TBC1D1: variants seen among roughly 807,000 people sequenced by gnomAD.
TBC1D1 encodes the protein TBC1 (tre-2/USP6, BUB2, cdc16) domain family, member 1.
A neutral mutation model predicts 125.6 loss-of-function variants in TBC1D1; 89 were observed. The observed-to-expected ratio is 0.71, with a 90% CI of 0.60 to 0.85. The LOEUF is 0.85. Ranked by LOEUF, TBC1D1 falls within the 40% of genes least tolerant of loss-of-function variation. The pLI is 0.00. For missense variants in TBC1D1, 1,377 were observed against 1,469.2 expected, an observed-to-expected ratio of 0.94 and a Z score of 1.03; for synonymous variants, 565 against 564.1, an observed-to-expected ratio of 1.00 and a Z score of -0.02.
intron 2 of TBC1D1, among the ~76,000 whole-genome samples, chr4:37,963,191 C>T (rs76238622): frequency 1.1e-4 from 17 of 152,258 alleles, no homozygotes; most frequent in Non-Finnish European, 1.8e-4. Flanking sequence ...ATTCTTGCAT[C>T]GCTATAAAGA....
intron 2 of TBC1D1, among the ~76,000 whole-genome samples, chr4:37,988,279 A>G (rs1735858384): frequency 6.6e-6 from 1 of 152,208 alleles, no homozygotes; most frequent in African/African-American, 2.4e-5. Flanking sequence ...CTACAGTTGT[A>G]TTCAATTCAG....
chr4:37,979,490 T>G (rs1191783840), intron 2 of TBC1D1, among the ~76,000 whole-genome samples: 1 of 152,206 alleles, frequency 6.6e-6, no homozygotes, highest in African/African-American at 2.4e-5. Context: ...TTAACACACT[T>G]TACATTACAA....
intron 10 of TBC1D1, among the ~76,000 whole-genome samples, chr4:38,049,271 C>T (rs1279782222): frequency 6.6e-6 from 1 of 152,164 alleles, no homozygotes; most frequent in Non-Finnish European, 1.5e-5. Context: ...GAGACAAGTT[C>T]TCCAGCACTC....
intron 2 of TBC1D1, among the ~76,000 whole-genome samples, chr4:37,986,641 TCG>T (rs958316028): frequency 2.4e-4 from 37 of 152,278 alleles, no homozygotes; most frequent in Admixed American, 7.8e-4. Flanking sequence ...AGATGGGGTT[TCG>T]CCATGTTGGC....
intron 17 of TBC1D1, among the ~76,000 whole-genome samples, chr4:38,121,102 G>A (rs567620348): frequency 2.2e-3 from 339 of 152,268 alleles, no homozygotes; most frequent in Middle Eastern, 0.01. Context: ...ATGATGCCGC[G>A]TGATGATGAG....
chr4:38,104,084 C>G (rs1313607711), intron 15 of TBC1D1, among the ~76,000 whole-genome samples: 2 of 142,042 alleles, frequency 1.4e-5, no homozygotes, highest in African/African-American at 5.2e-5. Context: ...GGCGTGAACC[C>G]AGGAGGCGGA....
chr4:38,103,170 C>G lies in TBC1D1; in HGVS notation c.2557+13C>G. 6.3e-7 allele frequency: 1 copy of G among 1,599,232 alleles called. No individual in the cohort carries two copies. Among genetic ancestry groups the G allele is most frequent in the Non-Finnish European group, 8.5e-7 (1 of 1,173,650 alleles). On this transcript the variant is annotated intron_variant, in intron 15 of 19. Transcript: ENST00000261439. Reference sequence around the variant, plus strand: ...CTTATTGACCTTGGTAAGTCTGTGCCATCGATTGGAGATGACAATGGAAGT... The same window carrying G: ...CTTATTGACCTTGGTAAGTCTGTGCGATCGATTGGAGATGACAATGGAAGT...
At chr4:37,956,861 C>T (rs1248307057) in intron 2 of TBC1D1, among the ~76,000 whole-genome samples, 1 of 151,684 alleles carries the variant, frequency 6.6e-6, no homozygotes, top group African/African-American at 2.4e-5. Context: ...ATCACTTGAA[C>T]CCAGGAGGTG....
Position 38,014,445 on chromosome 4 carries a change from C to T in TBC1D1, c.418-64C>T. The T allele has an allele frequency of 6.7e-7, 1 of 1,499,512 alleles. No individual in the cohort carries two copies. The highest frequency in any genetic ancestry group is 9.2e-7 in the Non-Finnish European group (1 of 1,088,416). The allele number at this position is 1,499,512 out of a possible 1,614,324, so 92.9% of individuals were successfully genotyped here. ...CGGGGCGTCCCGAAAGAGCATGGTGCATTCATTCCGTGAGTGCCAGCCACA... is the reference window on the plus strand; with the variant it reads ...CGGGGCGTCCCGAAAGAGCATGGTGTATTCATTCCGTGAGTGCCAGCCACA... On this transcript the variant is annotated intron_variant, in intron 2 of 19. Coordinates refer to ENST00000261439, the MANE Select transcript of TBC1D1 (RefSeq NM_015173.4). The surrounding 1 kb of genome is among the most constrained non-coding windows in gnomAD (Gnocchi z 5.1).
intron 12 of TBC1D1, among the ~76,000 whole-genome samples, chr4:38,068,361 C>A (rs1560729301): frequency 2.0e-5 from 3 of 152,294 alleles, no homozygotes; most frequent in East Asian, 3.9e-4. Flanking sequence ...CATGACTTTG[C>A]ATAGATCATT....
At position 37,977,559 on chromosome 4, in the gene TBC1D1, C is replaced by A; in HGVS notation, c.418-36950C>A. On this transcript the variant is annotated intron_variant, in intron 2 of 19. Transcript: ENST00000261439. This position sits in a 1 kb window ranked among gnomAD's most constrained non-coding sequence, Gnocchi z 4.3. ...GCGGCGTCGGGCGGGCGCCCGTTAC[C>A]GGAGCGGAGCGGCAGGCGCGGGGCT... 1 of 730,890 alleles carries A rather than the reference C, an allele frequency of 1.4e-6. No homozygotes were observed. The highest frequency in any genetic ancestry group is 1.7e-6 in the Non-Finnish European group (1 of 585,664). The allele number at this position is 730,890 out of a possible 1,614,324, so 45.3% of individuals were successfully genotyped here. A position where few individuals can be genotyped will look rare whatever the true frequency, so the allele number is the denominator to read the frequency against.
chr4:38,054,394 G>A, intron 12 of TBC1D1, 56 bp downstream of exon 14: 2 of 1,606,022 alleles, frequency 1.2e-6, no homozygotes, highest in Non-Finnish European at 1.7e-6. Context: ...AGAGGACCCT[G>A]GGAGCCCCAT....
At chr4:38,011,594 C>CA (rs1344968392) in intron 2 of TBC1D1, among the ~76,000 whole-genome samples, 6 of 152,118 alleles carry the variant, frequency 3.9e-5, no homozygotes, top group Admixed American at 1.3e-4. Flanking sequence ...TGTTAGACCT[C>CA]AATTATCTCC....
intron 12 of TBC1D1, among the ~76,000 whole-genome samples, chr4:38,068,397 C>G (rs534663563): frequency 1.3e-5 from 2 of 152,224 alleles, no homozygotes; most frequent in South Asian, 4.1e-4. Flanking sequence ...CACTCCTGCT[C>G]GTTTTCTCCC....
chr4:37,947,239 C>G (rs1385447792), intron 2 of TBC1D1, among the ~76,000 whole-genome samples: 1 of 152,232 alleles, frequency 6.6e-6, no homozygotes, highest in East Asian at 1.9e-4. Context: ...TCACTGCAAC[C>G]TCCACTTCCT....
intron 7 of TBC1D1, among the ~76,000 whole-genome samples, chr4:38,033,260 G>A (rs1293187638): frequency 2.6e-5 from 4 of 152,146 alleles, no homozygotes; most frequent in Admixed American, 6.5e-5. Context: ...ATTTTCTTGT[G>A]GAGATAGCCA....
At chr4:38,088,435 TG>T (rs1199493725) in intron 12 of TBC1D1, among the ~76,000 whole-genome samples, 1 of 152,236 alleles carries the variant, frequency 6.6e-6, no homozygotes, top group African/African-American at 2.4e-5. Flanking sequence ...TAACAGTACA[TG>T]TAAACCAATA....
rs570454688 is a variant in TBC1D1, at chr4:38,029,430, C to T, written c.1302+1551C>T. 1.6e-4 allele frequency among the ~76,000 whole-genome samples: 24 copies of T among 152,294 alleles called. No homozygotes were observed. In the East Asian group the frequency reaches 3.9e-3, roughly 24 times the overall value. ...TGCCCAGAGCCGAAGTGCAATGGTGCGATCTTGGCTCACTGCAACCTCTGC... is the reference window on the plus strand; with the variant it reads ...TGCCCAGAGCCGAAGTGCAATGGTGTGATCTTGGCTCACTGCAACCTCTGC... On this transcript the variant is annotated intron_variant, in intron 7 of 19. Coordinates refer to ENST00000261439, the MANE Select transcript of TBC1D1 (RefSeq NM_015173.4).
At chr4:37,948,954 T>C (rs1411571509) in intron 2 of TBC1D1, among the ~76,000 whole-genome samples, 1 of 152,254 alleles carries the variant, frequency 6.6e-6, no homozygotes, top group Non-Finnish European at 1.5e-5. Flanking sequence ...CAGTAACTCA[T>C]TTCCTTTTAT....
Sources: gnomAD v4.1 joint callset for allele counts (sites outside exome capture counted in the v4.1 genomes callset) on GRCh38, gnomAD v4.1.1 for gene constraint, Gnocchi (gnomAD v3.1) non-coding constraint, MANE v1.5 for transcripts, NCBI Gene and HGNC (gene_info 2026-07-23, HGNC 2026-07-21) for gene names.